The following ANK2 variants were observed in gnomAD, a reference collection of about 807,000 sequenced individuals.
ANK2 encodes the protein ankyrin-2.
Under a neutral mutation model 360.5 loss-of-function variants are expected in ANK2, and 83 were observed. The observed-to-expected ratio is 0.23, with a 90% CI of 0.19 to 0.28. The LOEUF is 0.28. Ranked by LOEUF, ANK2 falls within the 10% of genes least tolerant of loss-of-function variation. ANK2 has a pLI of 1.00. For missense variants in ANK2, 4,201 were observed against 4,795.7 expected, an observed-to-expected ratio of 0.88 and a Z score of 3.66; for synonymous variants, 1,740 against 1,759.5, an observed-to-expected ratio of 0.99 and a Z score of 0.28.
intron 2 of ANK2, among the ~76,000 whole-genome samples, chr4:112,987,032 A>G (rs754742179): frequency 7.9e-5 from 12 of 152,234 alleles, no homozygotes; most frequent in Non-Finnish European, 1.2e-4. Flanking sequence ...CTGATGAGCT[A>G]AAACACACAC....
At chr4:112,958,392 G>C (rs2032323676) in intron 2 of ANK2, among the ~76,000 whole-genome samples, 1 of 152,228 alleles carries the variant, frequency 6.6e-6, no homozygotes, top group African/African-American at 2.4e-5. Flanking sequence ...AGGAGCTGGA[G>C]ACCAGCCCGG....
chr4:112,739,057 T>TCTG, the ANK2 span: 1 of 568,840 alleles, frequency 1.8e-6, no homozygotes, highest in Non-Finnish European at 3.3e-6. Flanking sequence ...CAGCTGGCCA[T>TCTG]CAGAGTCACC....
At chr4:112,726,949 T>G in the ANK2 span, among the ~76,000 whole-genome samples, 2 of 151,932 alleles carry the variant, frequency 1.3e-5, no homozygotes, top group South Asian at 2.1e-4. Context: ...TATCAATAAT[T>G]TATTGGAAAA....
the ANK2 span, among the ~76,000 whole-genome samples, chr4:112,726,609 C>T: frequency 4.1e-3 from 617 of 151,750 alleles, 4 homozygotes; most frequent in African/African-American, 0.014. Flanking sequence ...TCTCTTATTG[C>T]GGGAGGCCGA....
chr4:113,256,295 G>C (rs1307888922), intron 11 of ANK2, among the ~76,000 whole-genome samples: 1 of 152,212 alleles, frequency 6.6e-6, no homozygotes, highest in Non-Finnish European at 1.5e-5. Context: ...ACACGAGTAT[G>C]AAAAGTTGAA....
At chr4:112,722,774 T>C in the ANK2 span, among the ~76,000 whole-genome samples, 2 of 152,092 alleles carry the variant, frequency 1.3e-5, no homozygotes, top group Non-Finnish European at 2.9e-5. Flanking sequence ...AACTGGGTCA[T>C]GTGCTTACCC....
chr4:113,045,885 A>G (rs865827205), upstream of ANK2, among the ~76,000 whole-genome samples: 1 of 152,208 alleles, frequency 6.6e-6, no homozygotes, highest in Admixed American at 6.5e-5. Flanking sequence ...CTAATTGTAA[A>G]TAAAAACTCA....
At chr4:112,976,714 A>G (rs2041550279) in intron 2 of ANK2, among the ~76,000 whole-genome samples, 2 of 149,966 alleles carry the variant, frequency 1.3e-5, no homozygotes, top group Admixed American at 6.6e-5. Context: ...AGAGGTTTGC[A>G]CTTTTTTTTC....
At chr4:113,145,707 G>A (rs2096802160) in intron 1 of ANK2, 1 of 1,141,798 alleles carries the variant, frequency 8.8e-7, no homozygotes, top group Non-Finnish European at 1.1e-6. Context: ...CAGCAAGCCA[G>A]CTAGCAGATG....
At position 113,318,588 on chromosome 4, in the gene ANK2, C is replaced by T. The variant is rs145960256; in HGVS notation, c.2868C>T (p.Asn956=). 4.5e-5 allele frequency: 72 copies of T among 1,613,512 alleles called. No homozygotes were observed. The African/African-American group carries it at 6.5e-4, about 15-fold the overall frequency. Residue 956 remains asparagine, a synonymous_variant, in exon 26 of 46, where the codon AAC becomes AAT. Coordinates refer to ENST00000357077, the MANE Select transcript of ANK2 (RefSeq NM_001148.6). ...RLSWGTENLD[N]VALSSSPIHS... Reference sequence around the variant, plus strand: ...GCTGGGGCACTGAGAACTTAGACAACGTGGCTCTTTCTTCTAGTCCTATTC... The same window carrying T: ...GCTGGGGCACTGAGAACTTAGACAATGTGGCTCTTTCTTCTAGTCCTATTC...
At chr4:112,762,856 T>C in the ANK2 span, among the ~76,000 whole-genome samples, 1 of 152,242 alleles carries the variant, frequency 6.6e-6, no homozygotes, top group African/African-American at 2.4e-5. Context: ...TTGTTTTTAA[T>C]ACTTAAATGT....
At chr4:113,053,394 A>G (rs189180225) in intron 1 of ANK2, among the ~76,000 whole-genome samples, 316 of 152,346 alleles carry the variant, frequency 2.1e-3, no homozygotes, top group Non-Finnish European at 3.2e-3. Flanking sequence ...CTTAGGGCCA[A>G]GATATTTCAT....
chr4:112,937,933 G>A (rs1332578798), intron 2 of ANK2, among the ~76,000 whole-genome samples: 1 of 152,134 alleles, frequency 6.6e-6, no homozygotes, highest in Non-Finnish European at 1.5e-5. Context: ...AGCTGTGAAT[G>A]AAAATAATAA....
chr4:112,921,598 A>T (rs1278864330), intron 2 of ANK2, among the ~76,000 whole-genome samples: 2 of 151,860 alleles, frequency 1.3e-5, no homozygotes, highest in African/African-American at 4.8e-5. Context: ...CTCAACCTCC[A>T]GTGTATCTGG....
chr4:113,237,150 A>G lies in ANK2; in HGVS notation c.647A>G (p.His216Arg). 1 of 1,614,036 alleles carries G rather than the reference A, an allele frequency of 6.2e-7. No individual in the cohort carries two copies. Among genetic ancestry groups the G allele is most frequent in the Non-Finnish European group, 8.5e-7 (1 of 1,179,938 alleles). The change falls in exon 6 of 46, where the codon CAC becomes CGC. Residue 216 changes from histidine to arginine, a missense_variant. Coordinates refer to ENST00000357077, the MANE Select transcript of ANK2 (RefSeq NM_001148.6). ...GCCGCACTTCTGCTTCAGAATGACCACAATGCTGACGTACAATCCAAGGTA... is the reference window on the plus strand; with the variant it reads ...GCCGCACTTCTGCTTCAGAATGACCGCAATGCTGACGTACAATCCAAGGTA... ...KSAALLLQND[H>R]NADVQSKMMV...
chr4:112,973,815 G>A (rs1011703535), intron 2 of ANK2, among the ~76,000 whole-genome samples: 1 of 152,160 alleles, frequency 6.6e-6, no homozygotes, highest in Admixed American at 6.6e-5. Context: ...CATTTCATGT[G>A]GGCCACTGCA....
At chr4:112,829,491 CAAAAAAAA>C (rs60272903) in intron 1 of ANK2, among the ~76,000 whole-genome samples, 1 of 60,728 alleles carries the variant, frequency 1.6e-5, no homozygotes, top group Non-Finnish European at 3.1e-5. Flanking sequence ...CCCATCTCTA[CAAAAAAAA>C]AAAAAAAAAA....
chr4:112,826,812 C>G, intron 1 of ANK2: 1 of 1,204,956 alleles, frequency 8.3e-7, no homozygotes. Flanking sequence ...ATCTTCTACT[C>G]AAAAAAATAA....
chr4:112,795,060 A>G, the ANK2 span, among the ~76,000 whole-genome samples: 1 of 152,210 alleles, frequency 6.6e-6, no homozygotes, highest in Non-Finnish European at 1.5e-5. Context: ...TCTCTCCCCT[A>G]CAAATCTAAT....
Sources: gnomAD v4.1 joint callset for allele counts (sites outside exome capture counted in the v4.1 genomes callset) on GRCh38, gnomAD v4.1.1 for gene constraint, MANE v1.5 for transcripts, NCBI Gene and HGNC (gene_info 2026-07-23, HGNC 2026-07-21) for gene names.